The following LIG3 variants were observed in gnomAD, a reference collection of about 807,000 sequenced individuals.
LIG3 encodes DNA ligase 3.
In LIG3, 58 loss-of-function variants were observed where a neutral mutation model predicts 110.9. The observed-to-expected ratio is 0.52, with a 90% confidence interval of 0.42 to 0.65. The LOEUF is 0.65. Among genes scored for constraint, LIG3 ranks in the 30% least tolerant of loss-of-function variants. LIG3 has a pLI of 0.00. For synonymous variants in LIG3, 422 were observed against 472.8 expected (o/e 0.89, Z 1.39); for missense variants, 1,094 against 1,273.8 (o/e 0.86, Z 2.15).
Position 34,985,921 on chromosome 17 carries a change from T to G in LIG3, c.548-67T>G, listed in dbSNP as rs768309344. ...CAAGGCCCTAGGAGCAGTTGATAGA[T>G]TCTTTGGATGTTTTTTTCAGAGATC... On this transcript the variant is annotated intron_variant, in intron 2 of 19. Transcript: ENST00000378526. 3.3e-6 allele frequency: 5 copies of G among 1,535,186 alleles called. No homozygotes were observed. The African/African-American group carries it at 6.8e-5, about 21-fold the overall frequency.
At chr17:34,985,809 A>G in intron 2 of LIG3, 179 bp from the exon 3 acceptor site, 1 of 542,796 alleles carries the variant, frequency 1.8e-6, no homozygotes, top group Non-Finnish European at 3.3e-6. Flanking sequence ...TTCTGTCCCC[A>G]CAATACCCTA....
At chr17:34,998,129 A>T in intron 12 of LIG3, 90 bp from the exon 13 acceptor site, 1 of 929,846 alleles carries the variant, frequency 1.1e-6, no homozygotes, top group East Asian at 2.4e-5. Context: ...TCCAGTGGAC[A>T]CTTAACTAGT....
At position 35,004,524 on chromosome 17, in the gene LIG3, T is replaced by C; in HGVS notation, c.*18T>C. On this transcript the variant is annotated 3_prime_UTR_variant, in exon 20 of 20. Transcript: ENST00000378526. ...CCTGCTAGGTTTGCTGTCTTCCCTC[T>C]CCCTCAGGCCATACTCTCCTTTACC... 6.3e-7 allele frequency: 1 copy of C among 1,593,872 alleles called. No individual in the cohort carries two copies. Among genetic ancestry groups the C allele is most frequent in the Non-Finnish European group, 8.6e-7 (1 of 1,161,844 alleles).
intron 18 of LIG3, 134 bp from the exon 19 acceptor site, chr17:35,002,534 T>C (rs2090854212): frequency 1.1e-6 from 1 of 884,628 alleles, no homozygotes; most frequent in Admixed American, 2.8e-5. Context: ...GGTCTCACTC[T>C]GTCATCCAGG....
intron 3 of LIG3, 95 bp downstream of exon 3, chr17:34,986,226 T>G: frequency 1.7e-6 from 2 of 1,210,958 alleles, no homozygotes; most frequent in Admixed American, 2.0e-5. Flanking sequence ...TTCTGTGCTA[T>G]CTCATCTCAT....
intron 4 of LIG3, among the ~76,000 whole-genome samples, chr17:34,990,365 C>T (rs536693748): frequency 2.0e-5 from 3 of 151,666 alleles, no homozygotes; most frequent in Non-Finnish European, 4.4e-5. Context: ...CTGCAACCTC[C>T]GCCTCCTGGG....
At chr17:35,010,800 A>G (rs2090933128), downstream of LIG3, 1 of 151,868 alleles carries the variant, frequency 6.6e-6, no homozygotes, top group Admixed American at 6.6e-5. Context: ...TCAGTGGGCT[A>G]GGAAAGGGAA....
At chr17:34,988,537 T>C (rs563250685) in intron 3 of LIG3, among the ~76,000 whole-genome samples, 5 of 152,326 alleles carry the variant, frequency 3.3e-5, no homozygotes, top group South Asian at 2.1e-4. Context: ...TAAAATTTGC[T>C]TTTTAAATGG....
chr17:34,984,866 CT>C (rs1296755902), intron 2 of LIG3, among the ~76,000 whole-genome samples: 1 of 152,064 alleles, frequency 6.6e-6, no homozygotes, highest in Non-Finnish European at 1.5e-5. Flanking sequence ...CAACCTCTGC[CT>C]TCCAGGTTCA....
At chr17:34,986,255 T>C in intron 3 of LIG3, 124 bp downstream of exon 3, 1 of 965,900 alleles carries the variant, frequency 1.0e-6, no homozygotes. Context: ...TGCTTCTGTC[T>C]GAGCAGAGAC....
intron 2 of LIG3, 139 bp downstream of exon 2, chr17:34,983,691 T>G (rs1041062803): frequency 1.4e-5 from 12 of 850,588 alleles, no homozygotes; most frequent in Admixed American, 1.2e-4. Context: ...GGCCAGTGTT[T>G]AATGTTGCAT....
At position 34,998,675 on chromosome 17, in the gene LIG3, C is replaced by T. The variant is rs761707072; in HGVS notation, c.2061C>T (p.Ala687=). The T allele has an allele frequency of 4.3e-6, 7 of 1,614,140 alleles. No homozygotes were observed. The highest frequency in any genetic ancestry group is 1.7e-4 in the Middle Eastern group (1 of 6,060). ...KKDYLNEGAM[A]DTADLVVLGA... ...ACTATTTGAACGAGGGGGCCATGGC[C>T]GACACAGCTGACCTGGTGGTCCTTG... Residue 687 remains alanine (A), a synonymous_variant, in exon 14 of 20, where the codon GCC becomes GCT. Transcript: ENST00000378526.
chr17:34,992,024 T>G lies in LIG3; in HGVS notation c.1275T>G (p.Gly425=). Residue 425 remains glycine (G), a synonymous_variant, in exon 7 of 20, where the codon GGT becomes GGG. Coordinates refer to ENST00000378526, the MANE Select transcript of LIG3 (RefSeq NM_013975.4). ...AACATGATCTGAAGATGAACTCAGG[T>G]GCAAAACATGTGTAAGTAGCAGCTC... The part of the protein sequence containing the change: ...LIKHDLKMNS[G]AKHVLDALDP... The G allele has an allele frequency of 6.2e-7, 1 of 1,614,106 alleles. No homozygotes were observed.
Position 34,998,205 on chromosome 17 carries a change from C to T in LIG3, c.1912-14C>T. ...CACTCTCACACCAACTTCAGCATCTCTCTTGTCCCTCAGAAAGCTTTGGAC... is the reference window on the plus strand; with the variant it reads ...CACTCTCACACCAACTTCAGCATCTTTCTTGTCCCTCAGAAAGCTTTGGAC... On this transcript the variant is annotated splice_polypyrimidine_tract_variant and intron_variant, in intron 12 of 19. Transcript: ENST00000378526. 6.2e-7 allele frequency: 1 copy of T among 1,607,342 alleles called. No individual in the cohort carries two copies. Among genetic ancestry groups the T allele is most frequent in the Non-Finnish European group, 8.5e-7 (1 of 1,176,450 alleles).
intron 19 of LIG3, 30 bp downstream of exon 19, chr17:35,002,819 G>T: frequency 6.3e-7 from 1 of 1,578,118 alleles, no homozygotes; most frequent in Non-Finnish European, 8.6e-7. Context: ...CACACCACGT[G>T]GGCCAGTTTA....
chr17:35,005,132 G>C lies in LIG3; in HGVS notation c.*626G>C, dbSNP rs2090885175. 1 of 356,818 alleles carries C rather than the reference G, an allele frequency of 2.8e-6. No individual in the cohort carries two copies. The highest frequency in any genetic ancestry group is 5.5e-6 in the Non-Finnish European group (1 of 180,550). The allele number at this position is 356,818 out of a possible 1,614,324, so 22.1% of individuals were successfully genotyped here. ...AAGGGAGGGGACTAGGGTCAGGTAG[G>C]AAAATGGGGCCTTTATGAAGAAAGG... On this transcript the variant is annotated 3_prime_UTR_variant, in exon 20 of 20. Transcript: ENST00000378526.
chr17:35,005,620 A>G lies in LIG3; in HGVS notation c.*1114A>G, dbSNP rs2090889967. The G allele has an allele frequency of 1.7e-6, 1 of 577,562 alleles. No individual in the cohort carries two copies. The highest frequency in any genetic ancestry group is 1.9e-5 in the African/African-American group (1 of 53,770). 35.8% of individuals were successfully genotyped at this position (577,562 alleles called of 1,614,324 possible). A position where few individuals can be genotyped will look rare whatever the true frequency, so the allele number is the denominator to read the frequency against. Reference sequence around the variant, plus strand: ...AATGCTGGACCAGTCGAATGCACCAAATATCCCAAAACTCAATCGATTTTT... The same window carrying G: ...AATGCTGGACCAGTCGAATGCACCAGATATCCCAAAACTCAATCGATTTTT... On this transcript the variant is annotated 3_prime_UTR_variant, in exon 20 of 20. Transcript: ENST00000378526.
chr17:34,997,882 A>G, intron 12 of LIG3, 57 bp downstream of exon 12: 1 of 1,297,222 alleles, frequency 7.7e-7, no homozygotes, highest in Non-Finnish European at 1.1e-6. Context: ...AGGGCAGAGA[A>G]CTCCTTGGGT....
intron 18 of LIG3, 79 bp downstream of exon 18, chr17:35,002,183 C>T (rs1425001892): frequency 3.3e-6 from 4 of 1,216,174 alleles, no homozygotes; most frequent in Non-Finnish European, 4.5e-6. Flanking sequence ...CCCAGTCTCA[C>T]ATTCCAGCCC....
Sources: gnomAD v4.1 joint callset for allele counts (sites outside exome capture counted in the v4.1 genomes callset) on GRCh38, gnomAD v4.1.1 for gene constraint, MANE v1.5 for transcripts, NCBI Gene and HGNC (gene_info 2026-07-23, HGNC 2026-07-21) for gene names.